BORCS7: variants seen among roughly 807,000 people sequenced by gnomAD.
BORCS7 encodes BLOC-1-related complex subunit 7.
A neutral mutation model predicts 17.5 loss-of-function variants in BORCS7; 20 were observed. That is an observed-to-expected ratio of 1.14 (90% CI 0.80 to 1.66). The LOEUF (loss-of-function observed/expected upper bound fraction) is 1.66, where lower values mean the gene tolerates loss of function less well. Among genes scored for constraint, BORCS7 ranks in the 40% most tolerant of loss-of-function variants. BORCS7 has a pLI of 0.00. For synonymous variants in BORCS7, 57 were observed against 49.8 expected, an observed-to-expected ratio of 1.14 and a Z score of -0.61; for missense variants, 122 against 129.7, an observed-to-expected ratio of 0.94 and a Z score of 0.29.
At position 102,861,180 on chromosome 10, in the gene BORCS7, C is replaced by T. The variant is rs141675337; in HGVS notation, c.248+639C>T. ...CTGTAATCCCAGCACTTTGGGAGGC[C>T]GAGGAGGGCGGATCACCTGAGATCA... On this transcript the variant is annotated intron_variant, in intron 3 of 4. Coordinates refer to ENST00000339834, the MANE Select transcript of BORCS7 (RefSeq NM_001136200.2). Among the ~76,000 whole-genome samples, 608 of 147,940 alleles carry T rather than the reference C, an allele frequency of 4.1e-3. 24 individuals carry two copies. The East Asian group carries it at 0.085, about 21-fold the overall frequency.
chr10:102,860,662 C>A, intron 3 of BORCS7, 121 bp downstream of exon 3: 2 of 1,032,594 alleles, frequency 1.9e-6, no homozygotes, highest in Non-Finnish European at 1.5e-6. Context: ...GTGGGGGTGG[C>A]CAAGGATGAC....
At chr10:102,860,450 C>T (rs762904262) in intron 2 of BORCS7, 48 bp from the exon 3 acceptor site, 2 of 1,609,508 alleles carry the variant, frequency 1.2e-6, no homozygotes, top group South Asian at 2.2e-5. Flanking sequence ...GTTTGTGTGG[C>T]CACAGGGAAG....
intron 1 of BORCS7, among the ~76,000 whole-genome samples, chr10:102,859,525 G>T (rs1379707302): frequency 7.0e-6 from 1 of 141,926 alleles, no homozygotes. Context: ...TCTCCTCATG[G>T]CTTCCCCACA....
intron 1 of BORCS7, among the ~76,000 whole-genome samples, chr10:102,857,380 A>T (rs995513866): frequency 6.6e-6 from 1 of 152,054 alleles, no homozygotes; most frequent in South Asian, 2.1e-4. Context: ...TTTTTCTGCC[A>T]TCGGTTTGTA....
At position 102,858,210 on chromosome 10, in the gene BORCS7, G is replaced by T. The variant is rs1412100243; in HGVS notation, c.142-2122G>T. 6.0e-4 allele frequency among the ~76,000 whole-genome samples: 87 copies of T among 145,456 alleles called. 1 individual carries two copies. The South Asian group carries it at 0.016, about 27-fold the overall frequency. On this transcript the variant is annotated intron_variant, in intron 1 of 4. Coordinates refer to ENST00000339834, the MANE Select transcript of BORCS7 (RefSeq NM_001136200.2). ...ATATATAGAGAGAGAGAGCGAGCGA[G>T]AGAGAGAGAGAGAGAGAGCAAGGTG...
intron 1 of BORCS7, among the ~76,000 whole-genome samples, chr10:102,857,708 C>T (rs866953626): frequency 3.3e-5 from 5 of 152,182 alleles, no homozygotes; most frequent in African/African-American, 4.8e-5. Flanking sequence ...GCCTCCAAAT[C>T]CGTCAGCAGA....
chr10:102,854,560 C>A, intron 1 of BORCS7, 133 bp downstream of exon 1: 3 of 1,139,736 alleles, frequency 2.6e-6, no homozygotes, highest in Non-Finnish European at 2.4e-6. Flanking sequence ...GTCTTCTTCG[C>A]GGAGGCGCGT....
At chr10:102,862,830 A>G (rs1844541340) in intron 4 of BORCS7, 43 bp from the exon 5 acceptor site, 1 of 1,540,264 alleles carries the variant, frequency 6.5e-7, no homozygotes, top group Non-Finnish European at 9.0e-7. Context: ...TGTCTTTATT[A>G]TTGCTCATTT....
intron 1 of BORCS7, among the ~76,000 whole-genome samples, chr10:102,858,199 A>AGC (rs1327759125): frequency 3.8e-5 from 5 of 130,742 alleles, no homozygotes; most frequent in Admixed American, 1.5e-4. Context: ...ATAGAGAGAG[A>AGC]GAGCGAGCGA....
intron 1 of BORCS7, among the ~76,000 whole-genome samples, chr10:102,859,853 C>T (rs888048035): frequency 3.9e-5 from 6 of 152,138 alleles, no homozygotes; most frequent in South Asian, 2.1e-4. Context: ...CATGAGCCAC[C>T]GCACCTGGCC....
At chr10:102,859,147 CTTT>C (rs67657945) in intron 1 of BORCS7, among the ~76,000 whole-genome samples, 2 of 141,006 alleles carry the variant, frequency 1.4e-5, no homozygotes, top group Admixed American at 7.2e-5. Flanking sequence ...CTTTTCTTTT[CTTT>C]TTTTTTTTTT....
intron 3 of BORCS7, 158 bp downstream of exon 3, chr10:102,860,699 C>A: frequency 2.8e-6 from 2 of 723,458 alleles, no homozygotes; most frequent in Admixed American, 2.3e-5. Context: ...ATGCCTGAGA[C>A]TACAGAAGAA....
chr10:102,860,516 A>C lies in BORCS7; in HGVS notation c.223A>C (p.Ile75Leu). The change falls in exon 3 of 5, where the codon ATA (isoleucine) becomes CTA (leucine). Residue 75 changes from isoleucine (I) to leucine (L), a missense_variant. Ile to Leu is a conservative substitution (Grantham distance 5, BLOSUM62 2). Transcript: ENST00000339834. ...HSEDSLRKMAIITTHLQYQQE... is the reference protein window; with the variant it reads ...HSEDSLRKMALITTHLQYQQE... ...TATGCAGAGTTTAAGGAAGATGGCA[A>C]TAATAACAACACATCTTCAATACCA... The C allele has an allele frequency of 2.5e-6, 4 of 1,613,336 alleles. No individual in the cohort carries two copies. The highest frequency in any genetic ancestry group is 3.4e-6 in the Non-Finnish European group (4 of 1,179,284).
rs772822661 is a variant in BORCS7, at chr10:102,854,343, G to T, written c.57G>T (p.Gly19=). Residue 19 remains glycine, a synonymous_variant, in exon 1 of 5, where the codon GGG becomes GGT. Transcript: ENST00000339834. The stretch of plus-strand genomic sequence containing the variant: ...CGCGGTTCGGTCAGTCCGTGAAGGG[G>T]CTTCTCACGGAGAAGGTGACCACCT... ...SQARFGQSVK[G]LLTEKVTTCG... 1.9e-6 allele frequency: 3 copies of T among 1,594,602 alleles called. No homozygotes were observed. The highest frequency in any genetic ancestry group is 2.3e-5 in the East Asian group (1 of 44,410).
chr10:102,859,148 T>TTTTC lies in BORCS7; in HGVS notation c.142-1181_142-1180insCTTT, dbSNP rs1491397029. ...CACATTTCTCCTTTCTTTTCTTTTC[T>TTTTC]TTTTTTTTTTTTTGAGACAGAGTCT... On this transcript the variant is annotated intron_variant, in intron 1 of 4. Coordinates refer to ENST00000339834, the MANE Select transcript of BORCS7 (RefSeq NM_001136200.2). 7.1e-5 allele frequency among the ~76,000 whole-genome samples: 4 copies of TTTTC among 56,306 alleles called. No homozygotes were observed. The Admixed American group carries it at 7.5e-4, about 10-fold the overall frequency. The allele number at this position is 56,306 out of a possible 152,430, so 36.9% of individuals were successfully genotyped here.
At chr10:102,854,511 C>T (rs1209315210) in intron 1 of BORCS7, 84 bp downstream of exon 1, 1 of 1,454,574 alleles carries the variant, frequency 6.9e-7, no homozygotes, top group Non-Finnish European at 9.2e-7. Flanking sequence ...CGCGTTGCAT[C>T]TTGGGAATTG....
intron 2 of BORCS7, 22 bp from the exon 3 acceptor site, chr10:102,860,476 T>A (rs1454730471): frequency 1.2e-6 from 2 of 1,609,192 alleles, no homozygotes; most frequent in Non-Finnish European, 1.7e-6. Flanking sequence ...ATGTTCTATT[T>A]CTCTCTCTCT....
At position 102,854,291 on chromosome 10, in the gene BORCS7, T is replaced by G. The variant is rs1213963865; in HGVS notation, c.5T>G (p.Met2Arg). 1.2e-6 allele frequency: 2 copies of G among 1,606,150 alleles called. No homozygotes were observed. Among genetic ancestry groups the G allele is most frequent in the Middle Eastern group, 1.7e-4 (1 of 6,050 alleles). Residue 2 changes from methionine to arginine, a missense_variant, in exon 1 of 5, where the codon ATG (methionine) becomes AGG (arginine). Physicochemically the swap from Met to Arg is moderately conservative, Grantham distance 91. Transcript: ENST00000339834. M[M>R]ATGTPESQAR... ...CGCAACCGTTCGCTAACTGAAATGA[T>G]GGCGACTGGAACGCCAGAGTCTCAA...
At chr10:102,854,951 T>C (rs1027146539) in intron 1 of BORCS7, among the ~76,000 whole-genome samples, 3 of 146,864 alleles carry the variant, frequency 2.0e-5, no homozygotes, top group African/African-American at 7.4e-5. Flanking sequence ...ATATATAATA[T>C]ACATATATAT....
Sources: gnomAD v4.1 joint callset for allele counts (sites outside exome capture counted in the v4.1 genomes callset) on GRCh38, gnomAD v4.1.1 for gene constraint, MANE v1.5 for transcripts, NCBI Gene and HGNC (gene_info 2026-07-23, HGNC 2026-07-21) for gene names.